Variants in GPD1L observed in about 807,000 individuals in gnomAD.
GPD1L encodes the protein glycerol-3-phosphate dehydrogenase 1-like protein.
Under a neutral mutation model 32.9 loss-of-function variants are expected in GPD1L, and 17 were observed. That is an observed-to-expected ratio of 0.52 (90% CI 0.35 to 0.78). The LOEUF is 0.78. GPD1L is among the 30% of genes least tolerant of loss of function. GPD1L has a pLI of 0.01. For missense variants in GPD1L, 361 were observed against 447.8 expected (o/e 0.81, Z 1.75); for synonymous variants, 187 against 165.9 (o/e 1.13, Z -0.98).
rs78129605 is a variant in GPD1L, at chr3:32,166,316, C to G, written c.*406C>G. ...CATTTTTCTAGTGTTAAATTTTAACCAGCATTAACATGGTAGAGTGGAGGA... is the reference window on the plus strand; with the variant it reads ...CATTTTTCTAGTGTTAAATTTTAACGAGCATTAACATGGTAGAGTGGAGGA... On this transcript the variant is annotated 3_prime_UTR_variant, in exon 8 of 8. Coordinates refer to ENST00000282541, the MANE Select transcript of GPD1L (RefSeq NM_015141.4). 14,568 of 293,826 alleles carry G rather than the reference C, an allele frequency of 0.05. 428 individuals are homozygous for G. Among genetic ancestry groups the G allele is most frequent in the Middle Eastern group, 0.095 (78 of 824 alleles). The allele number at this position is 293,826 out of a possible 1,614,324, so 18.2% of individuals were successfully genotyped here.
chr3:32,145,377 G>A (rs1213060769), intron 4 of GPD1L, among the ~76,000 whole-genome samples: 1 of 152,050 alleles, frequency 6.6e-6, no homozygotes, highest in East Asian at 1.9e-4. Flanking sequence ...AATTTTAAAA[G>A]GTACCTTTGA....
At chr3:32,127,170 A>G (rs1700522901) in intron 1 of GPD1L, among the ~76,000 whole-genome samples, 1 of 152,172 alleles carries the variant, frequency 6.6e-6, no homozygotes, top group South Asian at 2.1e-4. Context: ...TGTCTTGAGA[A>G]TAATTGTGAG....
intron 1 of GPD1L, among the ~76,000 whole-genome samples, chr3:32,117,797 A>G (rs1271677085): frequency 6.6e-6 from 1 of 152,196 alleles, no homozygotes; most frequent in African/African-American, 2.4e-5. Context: ...TGACTTAGAC[A>G]TTCTCCAGGA....
chr3:32,166,183 A>G lies in GPD1L; in HGVS notation c.*273A>G, dbSNP rs1438928620. On this transcript the variant is annotated 3_prime_UTR_variant, in exon 8 of 8. Transcript: ENST00000282541. Reference sequence around the variant, plus strand: ...GCCAAAATTTGATGTCTTTTTTTCAAAATTGCTTATGAAATTTCCACACAA... The same window carrying G: ...GCCAAAATTTGATGTCTTTTTTTCAGAATTGCTTATGAAATTTCCACACAA... The G allele has an allele frequency of 1.2e-5, 6 of 483,336 alleles. No homozygotes were observed. The highest frequency in any genetic ancestry group is 1.9e-5 in the Non-Finnish European group (5 of 266,290). 29.9% of individuals were successfully genotyped at this position (483,336 alleles called of 1,614,324 possible).
intron 1 of GPD1L, among the ~76,000 whole-genome samples, chr3:32,123,761 TAGAC>T (rs777334405): frequency 4.1e-4 from 62 of 150,892 alleles, no homozygotes; most frequent in African/African-American, 1.2e-3. Context: ...GGCAGGTAGA[TAGAC>T]AGAGAGATAG....
intron 5 of GPD1L, among the ~76,000 whole-genome samples, chr3:32,155,042 G>A (rs115487214): frequency 0.012 from 1,843 of 152,246 alleles, 40 homozygotes; most frequent in African/African-American, 0.041. Context: ...CTAAGCTACC[G>A]TTTTTACCTC....
chr3:32,161,247 G>A (rs1303059515), intron 7 of GPD1L, among the ~76,000 whole-genome samples: 3 of 152,148 alleles, frequency 2.0e-5, no homozygotes, highest in Non-Finnish European at 2.9e-5. Context: ...GGTGGATGGA[G>A]CATTTGTCTT....
At chr3:32,133,791 G>A (rs990039911) in intron 2 of GPD1L, among the ~76,000 whole-genome samples, 1 of 152,206 alleles carries the variant, frequency 6.6e-6, no homozygotes, top group African/African-American at 2.4e-5. Flanking sequence ...GTTGCTAACA[G>A]GTAAAAGCTC....
At chr3:32,146,083 CT>C (rs59106750) in intron 4 of GPD1L, among the ~76,000 whole-genome samples, 7,707 of 125,356 alleles carry the variant, frequency 0.061, 205 homozygotes, top group East Asian at 0.3. Flanking sequence ...ATGCTTTTTT[CT>C]TTTTTTTTTT....
chr3:32,109,102 T>G (rs998188387), intron 1 of GPD1L, among the ~76,000 whole-genome samples: 6 of 152,030 alleles, frequency 3.9e-5, no homozygotes, highest in Non-Finnish European at 7.4e-5. Context: ...GCCTGCCTCT[T>G]CCTCCCAAAG....
intron 1 of GPD1L, among the ~76,000 whole-genome samples, chr3:32,117,132 A>G (rs779396343): frequency 6.6e-6 from 1 of 152,210 alleles, no homozygotes; most frequent in African/African-American, 2.4e-5. Context: ...AGCCCTTTCC[A>G]TATCTATACA....
chr3:32,126,835 A>G (rs1338569949), intron 1 of GPD1L, among the ~76,000 whole-genome samples: 2 of 152,296 alleles, frequency 1.3e-5, no homozygotes, highest in East Asian at 3.9e-4. Context: ...ATCCCACCAC[A>G]GAAGTGCCAG....
chr3:32,137,742 T>C (rs1416055278), intron 2 of GPD1L, among the ~76,000 whole-genome samples: 5 of 152,224 alleles, frequency 3.3e-5, no homozygotes, highest in Non-Finnish European at 7.3e-5. Context: ...GTTAAACTAA[T>C]CTTCACCCTT....
intron 1 of GPD1L, among the ~76,000 whole-genome samples, chr3:32,108,551 C>T (rs1362024369): frequency 1.3e-5 from 2 of 152,052 alleles, no homozygotes; most frequent in Admixed American, 1.3e-4. Context: ...AAACAAAAAC[C>T]AAAGAGTACC....
intron 7 of GPD1L, among the ~76,000 whole-genome samples, chr3:32,163,924 A>G (rs1165456384): frequency 6.6e-6 from 1 of 152,232 alleles, no homozygotes; most frequent in African/African-American, 2.4e-5. Flanking sequence ...TTAGAATCTC[A>G]GTGATCCTGT....
intron 1 of GPD1L, among the ~76,000 whole-genome samples, chr3:32,119,939 G>A (rs1396765791): frequency 2.6e-5 from 4 of 152,152 alleles, no homozygotes; most frequent in African/African-American, 9.7e-5. Context: ...AATTCATCAG[G>A]TTTTTAGGCC....
chr3:32,130,565 C>G (rs541880311), intron 2 of GPD1L, among the ~76,000 whole-genome samples: 1 of 152,302 alleles, frequency 6.6e-6, no homozygotes, highest in East Asian at 1.9e-4. Flanking sequence ...TGGCCCCTCC[C>G]ACATAGGAGC....
intron 1 of GPD1L, among the ~76,000 whole-genome samples, chr3:32,109,567 C>T (rs978342242): frequency 3.3e-5 from 5 of 152,326 alleles, no homozygotes; most frequent in South Asian, 4.1e-4. Flanking sequence ...TGGGATTAGA[C>T]GGGAACAATT....
chr3:32,135,783 A>C (rs955991991), intron 2 of GPD1L, among the ~76,000 whole-genome samples: 6 of 152,214 alleles, frequency 3.9e-5, no homozygotes, highest in African/African-American at 1.4e-4. Context: ...CAATAGAATC[A>C]GAAAATGCTT....
Sources: gnomAD v4.1 joint callset for allele counts (sites outside exome capture counted in the v4.1 genomes callset) on GRCh38, gnomAD v4.1.1 for gene constraint, MANE v1.5 for transcripts, NCBI Gene and HGNC (gene_info 2026-07-23, HGNC 2026-07-21) for gene names.